The following THOC5 variants were observed in gnomAD, a reference collection of about 807,000 sequenced individuals.
THOC5 encodes Fms-interacting protein.
A neutral mutation model predicts 92.9 loss-of-function variants in THOC5; 43 were observed. The observed-to-expected ratio is 0.46, with a 90% CI of 0.36 to 0.60. The LOEUF (loss-of-function observed/expected upper bound fraction) is 0.60, where lower values mean the gene tolerates loss of function less well. Ranked by LOEUF, THOC5 falls within the 20% of genes least tolerant of loss-of-function variation. THOC5 has a pLI of 0.00. For synonymous variants in THOC5, 296 were observed against 320.1 expected, an observed-to-expected ratio of 0.92 and a Z score of 0.80; for missense variants, 659 against 849.4, an observed-to-expected ratio of 0.78 and a Z score of 2.79.
At chr22:29,538,799 TGG>T (rs775200671) in intron 6 of THOC5, among the ~76,000 whole-genome samples, 3 of 47,650 alleles carry the variant, frequency 6.3e-5, no homozygotes, top group Non-Finnish European at 6.9e-5. Context: ...GCCATCTCTT[TGG>T]AAAAAAAAAA....
intron 6 of THOC5, among the ~76,000 whole-genome samples, chr22:29,538,033 A>C (rs1170468303): frequency 6.6e-6 from 1 of 152,198 alleles, no homozygotes; most frequent in Non-Finnish European, 1.5e-5. Context: ...CCCAGGCTAG[A>C]GTGCAGTGGC....
chr22:29,531,208 G>A, intron 8 of THOC5: 1 of 1,056,700 alleles, frequency 9.5e-7, no homozygotes, highest in Non-Finnish European at 1.2e-6. Context: ...GCCCAAGGTG[G>A]GAGGAGAAGC....
At position 29,525,780 on chromosome 22, in the gene THOC5, T is replaced by C. The variant is rs1341346667; in HGVS notation, c.1175+58A>G. On this transcript the variant is annotated intron_variant, in intron 12 of 19. Coordinates refer to ENST00000490103, the MANE Select transcript of THOC5 (RefSeq NM_003678.5). ...GGAGGAACCGAGAGCAGCCCCACAA[T>C]GAGGCTCTCATCACCTCCCCATCCC... 4.3e-6 allele frequency: 6 copies of C among 1,386,710 alleles called. No individual in the cohort carries two copies. In the African/African-American group the frequency reaches 7.1e-5, roughly 16 times the overall value. The allele number at this position is 1,386,710 out of a possible 1,614,324, so 85.9% of individuals were successfully genotyped here. A position where few individuals can be genotyped will look rare whatever the true frequency, so the allele number is the denominator to read the frequency against.
At chr22:29,544,393 T>G (rs1037940217) in intron 3 of THOC5, 67 bp downstream of exon 3, 1 of 1,532,944 alleles carries the variant, frequency 6.5e-7, no homozygotes, top group South Asian at 1.2e-5. Flanking sequence ...AGGGCCCTGG[T>G]AGGTGCAAAA....
chr22:29,531,674 G>C, intron 8 of THOC5, 157 bp downstream of exon 8: 8 of 1,437,062 alleles, frequency 5.6e-6, no homozygotes, highest in Non-Finnish European at 7.3e-6. Context: ...GGTCAGAGCA[G>C]CCATGCTGGG....
intron 6 of THOC5, among the ~76,000 whole-genome samples, chr22:29,539,062 A>T (rs1462659427): frequency 6.7e-6 from 1 of 148,194 alleles, no homozygotes; most frequent in African/African-American, 2.5e-5. Context: ...GTGAACTGAG[A>T]TCACACCACC....
intron 18 of THOC5, 95 bp downstream of exon 18, chr22:29,511,926 G>A: frequency 1.0e-6 from 1 of 980,438 alleles, no homozygotes; most frequent in African/African-American, 1.6e-5. Context: ...GGGAATTAAG[G>A]CAGTGCCCAA....
intron 12 of THOC5, 122 bp downstream of exon 12, chr22:29,525,716 G>C: frequency 1.5e-6 from 1 of 663,358 alleles, no homozygotes; most frequent in Non-Finnish European, 2.6e-6. Context: ...CTGGATACAA[G>C]ACAAGTCAAC....
At position 29,542,768 on chromosome 22, in the gene THOC5, A is replaced by G. The variant is rs185078134; in HGVS notation, c.452+91T>C. On this transcript the variant is annotated intron_variant, in intron 5 of 19. Transcript: ENST00000490103. ...GACAGGGCAAGACTCCGTCTCAAAAAAAAAAAAGAAACAGACTTACAGTGA... is the reference window on the plus strand; with the variant it reads ...GACAGGGCAAGACTCCGTCTCAAAAGAAAAAAAGAAACAGACTTACAGTGA... The G allele has an allele frequency of 7.7e-4, 687 of 887,522 alleles. 6 individuals are homozygous for G. In the African/African-American group the frequency reaches 0.011, roughly 14 times the overall value. The allele number at this position is 887,522 out of a possible 1,614,324, so 55.0% of individuals were successfully genotyped here.
chr22:29,508,952 C>T (rs1307489836), intron 19 of THOC5, among the ~76,000 whole-genome samples: 4 of 151,964 alleles, frequency 2.6e-5, no homozygotes, highest in Non-Finnish European at 5.9e-5. Context: ...TGCACCACCA[C>T]GCCCGGGTTT....
At chr22:29,516,641 C>A (rs982385514) in intron 17 of THOC5, among the ~76,000 whole-genome samples, 13 of 152,206 alleles carry the variant, frequency 8.5e-5, no homozygotes, top group Non-Finnish European at 1.8e-4. Context: ...GGCCCTGTGG[C>A]CCTGCCCTTT....
intron 5 of THOC5, among the ~76,000 whole-genome samples, chr22:29,539,853 C>T (rs1169228093): frequency 6.6e-6 from 1 of 152,098 alleles, no homozygotes; most frequent in East Asian, 1.9e-4. Flanking sequence ...GGAATAAATA[C>T]AAGGGTCTGC....
intron 17 of THOC5, among the ~76,000 whole-genome samples, chr22:29,513,081 T>C (rs1057469928): frequency 6.6e-6 from 1 of 152,160 alleles, no homozygotes; most frequent in Non-Finnish European, 1.5e-5. Flanking sequence ...GCTGGCGCGG[T>C]GGCTCACGCC....
intron 17 of THOC5, among the ~76,000 whole-genome samples, chr22:29,513,556 G>A (rs1303128976): frequency 1.3e-5 from 2 of 151,888 alleles, no homozygotes; most frequent in Admixed American, 6.6e-5. Flanking sequence ...GGCCTAGTGG[G>A]ACATGCTTGT....
In THOC5 at chr22:29,551,740, C is replaced by T. The variant is rs557936868; in HGVS notation, c.-12+1931G>A. ...CACTCAGTCTTGACAACAGAGATCC[C>T]GTTGCAAAAAAAAAATTTGGACTGG... On this transcript the variant is annotated intron_variant, in intron 1 of 19. Coordinates refer to ENST00000490103, the MANE Select transcript of THOC5 (RefSeq NM_003678.5). 1.2e-3 allele frequency among the ~76,000 whole-genome samples: 182 copies of T among 151,458 alleles called. 4 individuals are homozygous for T. In the South Asian group the frequency reaches 0.031, roughly 25 times the overall value.
intron 12 of THOC5, among the ~76,000 whole-genome samples, chr22:29,521,773 A>G (rs2063446363): frequency 6.6e-6 from 1 of 152,156 alleles, no homozygotes; most frequent in South Asian, 2.1e-4. Context: ...CAAAAAAGAG[A>G]TAATGTGGGA....
Position 29,506,548 on chromosome 22 carries a change from C to G in THOC5, c.*1909G>C, listed in dbSNP as rs1030102776. On this transcript the variant is annotated 3_prime_UTR_variant, in exon 20 of 20. Coordinates refer to ENST00000490103, the MANE Select transcript of THOC5 (RefSeq NM_003678.5). ...ATTAGCCAGAAATGGTGGCACACAC[C>G]TGTGGTCCCAGCTACTTGGGAGGCT... The G allele has an allele frequency of 6.6e-6, 1 of 152,230 alleles. No individual in the cohort carries two copies. The highest frequency in any genetic ancestry group is 1.5e-5 in the Non-Finnish European group (1 of 68,102). 9.4% of individuals were successfully genotyped at this position (152,230 alleles called of 1,614,324 possible).
At chr22:29,529,364 A>AT in intron 8 of THOC5, 125 bp from the exon 9 acceptor site, 1 of 942,020 alleles carries the variant, frequency 1.1e-6, no homozygotes, top group Non-Finnish European at 1.7e-6. Context: ...TAAGGGTGGA[A>AT]GGGCAAAAGT....
chr22:29,551,169 C>G (rs1243878024), intron 1 of THOC5, among the ~76,000 whole-genome samples: 2 of 152,212 alleles, frequency 1.3e-5, no homozygotes, highest in Admixed American at 1.3e-4. Context: ...CGCAGTGGCT[C>G]AGGCCTGTAA....
Sources: gnomAD v4.1 joint callset for allele counts (sites outside exome capture counted in the v4.1 genomes callset) on GRCh38, gnomAD v4.1.1 for gene constraint, MANE v1.5 for transcripts, NCBI Gene and HGNC (gene_info 2026-07-23, HGNC 2026-07-21) for gene names.